Variants in PER3 observed in about 807,000 individuals in gnomAD.
PER3 encodes the protein period circadian regulator 3, also known as period circadian protein homolog 3.
In PER3, 107 loss-of-function variants were observed where a neutral mutation model predicts 127.2. That is an observed-to-expected ratio of 0.84 (90% confidence interval 0.72 to 0.99). The LOEUF (loss-of-function observed/expected upper bound fraction) is 0.99, where lower values mean the gene tolerates loss of function less well. Among genes scored for constraint, PER3 ranks in the 50% least tolerant of loss-of-function variants. The pLI is 0.00. For synonymous variants in PER3, 618 were observed against 585.8 expected, an observed-to-expected ratio of 1.05 and a Z score of -0.79; for missense variants, 1,560 against 1,525.8, an observed-to-expected ratio of 1.02 and a Z score of -0.37.
chr1:7,839,324 TAAA>T (rs2097373294), intron 21 of PER3, among the ~76,000 whole-genome samples: 1 of 152,208 alleles, frequency 6.6e-6, no homozygotes, highest in African/African-American at 2.4e-5. Context: ...ATTAATCTAT[TAAA>T]TAATATAGAA....
chr1:7,815,243 A>C (rs1425152112), intron 13 of PER3, among the ~76,000 whole-genome samples: 1 of 152,238 alleles, frequency 6.6e-6, no homozygotes, highest in Non-Finnish European at 1.5e-5. Flanking sequence ...CAATCCAGTT[A>C]TTCATATTCA....
chr1:7,796,516 T>C (rs1279035343), intron 6 of PER3, among the ~76,000 whole-genome samples: 2 of 152,056 alleles, frequency 1.3e-5, no homozygotes, highest in Non-Finnish European at 2.9e-5. Flanking sequence ...GGTTTCTCCA[T>C]GTTGGCCAGG....
chr1:7,786,013 T>A (rs917740487), intron 3 of PER3, among the ~76,000 whole-genome samples: 2 of 152,270 alleles, frequency 1.3e-5, no homozygotes, highest in African/African-American at 4.8e-5. Flanking sequence ...TCCCAGCACT[T>A]TGGGAGGCCG....
chr1:7,803,945 C>G (rs992983900), intron 10 of PER3, 97 bp downstream of exon 10: 1 of 953,180 alleles, frequency 1.0e-6, no homozygotes, highest in African/African-American at 1.6e-5. Context: ...GACACATAAA[C>G]TAAATAAAGC....
chr1:7,810,039 ACATTC>A lies in PER3; in HGVS notation c.1371+19_1371+23del. 6.2e-7 allele frequency: 1 copy of A among 1,605,568 alleles called. No homozygotes were observed. The highest frequency in any genetic ancestry group is 8.5e-7 in the Non-Finnish European group (1 of 1,174,432). Reference sequence around the variant, plus strand: ...CGGAGCAGGTGCATGGGCTTATGTCACATTCTTATACAGGCATCGTGTTTTCTGTA... The same window carrying A: ...CGGAGCAGGTGCATGGGCTTATGTCATTATACAGGCATCGTGTTTTCTGTA... On this transcript the variant is annotated intron_variant, in intron 12 of 21. Coordinates refer to ENST00000377532, the MANE Select transcript of PER3 (RefSeq NM_001377275.1).
intron 21 of PER3, among the ~76,000 whole-genome samples, chr1:7,838,715 A>T (rs189539689): frequency 6.6e-6 from 1 of 152,156 alleles, no homozygotes; most frequent in Non-Finnish European, 1.5e-5. Context: ...TGCACACCTC[A>T]TATGAGTGGA....
At chr1:7,818,857 T>TG (rs1444382453) in intron 13 of PER3, among the ~76,000 whole-genome samples, 1 of 152,262 alleles carries the variant, frequency 6.6e-6, no homozygotes, top group Non-Finnish European at 1.5e-5. Context: ...ACCTGGGAGA[T>TG]GCTGTGTACT....
chr1:7,802,256 A>G (rs1321747946), intron 8 of PER3, among the ~76,000 whole-genome samples: 5 of 149,868 alleles, frequency 3.3e-5, no homozygotes, highest in Non-Finnish European at 7.5e-5. Flanking sequence ...TTTGGGTGAC[A>G]TTGTGTTTTT....
At chr1:7,823,381 G>A (rs1024792853) in intron 16 of PER3, among the ~76,000 whole-genome samples, 15 of 152,118 alleles carry the variant, frequency 9.9e-5, no homozygotes, top group East Asian at 1.9e-4. Flanking sequence ...GGTGGTTCAC[G>A]CCTGTAATCC....
In PER3 at chr1:7,826,477, C is replaced by T; in HGVS notation, c.1958-3C>T. 6.4e-7 allele frequency: 1 copy of T among 1,560,180 alleles called. No individual in the cohort carries two copies. The highest frequency in any genetic ancestry group is 8.8e-7 in the Non-Finnish European group (1 of 1,131,140). On this transcript the variant is annotated splice_polypyrimidine_tract_variant and splice_region_variant and intron_variant, in intron 16 of 21. Coordinates refer to ENST00000377532, the MANE Select transcript of PER3 (RefSeq NM_001377275.1). The surrounding 1 kb of genome is among the most constrained non-coding windows in gnomAD (Gnocchi z 4.2). The stretch of plus-strand genomic sequence containing the variant: ...AAATTAAATATGTCTTCTTCCACCT[C>T]AGCCAGGGATGCTACCCTCTTCTGT...
chr1:7,822,213 T>G (rs1044161128), intron 16 of PER3, among the ~76,000 whole-genome samples: 21 of 152,024 alleles, frequency 1.4e-4, no homozygotes, highest in African/African-American at 5.1e-4. Context: ...TGAGACCAGC[T>G]TGGGCAACAT....
Position 7,786,735 on chromosome 1 carries a change from T to G in PER3, c.289T>G (p.Phe97Val), listed in dbSNP as rs143428088. 1.0e-4 allele frequency: 162 copies of G among 1,600,030 alleles called. No individual in the cohort carries two copies. In the African/African-American group the frequency reaches 2.0e-3, roughly 20 times the overall value. Reference sequence around the variant, plus strand: ...GTGTTTCTTAGCAAACAGTGAGTTTTTCCAGATTCTCAGTCAGAATGGAGC... The same window carrying G: ...GTGTTTCTTAGCAAACAGTGAGTTTGTCCAGATTCTCAGTCAGAATGGAGC... ...VHSVQANSEF[F>V]QILSQNGAPQ... is the part of the protein sequence containing the mutation. The change falls in exon 4 of 22, where the codon TTC becomes GTC. Residue 97 changes from phenylalanine (F) to valine (V), a missense_variant. By Grantham distance (50) the Phe-to-Val change is conservative. Around this residue, in one of 3 missense-constraint regions of PER3, gnomAD observed 1,332 missense variants for 1,223.6 expected, o/e 1.09. Coordinates refer to ENST00000377532, the MANE Select transcript of PER3 (RefSeq NM_001377275.1).
intron 9 of PER3, 41 bp downstream of exon 9, chr1:7,803,194 C>A: frequency 1.7e-6 from 2 of 1,185,620 alleles, no homozygotes; most frequent in Non-Finnish European, 2.5e-6. Context: ...ATTTTTCTCT[C>A]ATTGATTTGT....
chr1:7,788,227 GA>G lies in PER3; in HGVS notation c.575del (p.Asn192ThrfsTer16). ...CTGCCAGAGCTCAGCTTCCTTTCTGGAACAACTGGACCCAAAGAGGTAACAG... is the reference window on the plus strand; with the variant it reads ...CTGCCAGAGCTCAGCTTCCTTTCTGGACAACTGGACCCAAAGAGGTAACAG... ...HTARAQLPFW[N>X]NWTQRAAARY... is the part of the protein sequence containing the mutation. On this transcript the variant is annotated frameshift_variant, in exon 5 of 22. Coordinates refer to ENST00000377532, the MANE Select transcript of PER3 (RefSeq NM_001377275.1). LOFTEE classifies it high-confidence loss of function. 1 of 1,613,520 alleles carries G rather than the reference GA, an allele frequency of 6.2e-7. No homozygotes were observed. The highest frequency in any genetic ancestry group is 8.5e-7 in the Non-Finnish European group (1 of 1,179,472).
At chr1:7,818,904 C>T (rs954080811) in intron 13 of PER3, among the ~76,000 whole-genome samples, 1 of 152,254 alleles carries the variant, frequency 6.6e-6, no homozygotes, top group African/African-American at 2.4e-5. Flanking sequence ...GGTCTTCCCA[C>T]ATTCCACCCT....
intron 21 of PER3, among the ~76,000 whole-genome samples, chr1:7,837,824 A>G (rs552559436): frequency 1.4e-3 from 212 of 152,342 alleles, no homozygotes; most frequent in Non-Finnish European, 1.9e-3. Context: ...CTGTAATCCC[A>G]GCACTTTGGG....
intron 19 of PER3, among the ~76,000 whole-genome samples, chr1:7,831,187 A>G (rs1228629500): frequency 1.3e-5 from 2 of 152,182 alleles, no homozygotes; most frequent in Non-Finnish European, 1.5e-5. Flanking sequence ...ATTTTGCTAA[A>G]TTTATCTCTA....
At chr1:7,795,446 G>T (rs2097140996) in intron 6 of PER3, among the ~76,000 whole-genome samples, 1 of 152,206 alleles carries the variant, frequency 6.6e-6, no homozygotes, top group Admixed American at 6.5e-5. Context: ...TGTATTCAGG[G>T]TGATCCAGGA....
rs1488978156 is a variant in PER3, at chr1:7,842,936, T to G, written c.*181T>G. On this transcript the variant is annotated 3_prime_UTR_variant, in exon 22 of 22. Transcript: ENST00000377532. ...CATTGTATACAGAATCTTACTTCTC[T>G]TTGTTCCTGATATATTAAAATGGCC... The G allele has an allele frequency of 2.4e-6, 1 of 409,724 alleles. No individual in the cohort carries two copies. The highest frequency in any genetic ancestry group is 3.9e-5 in the Admixed American group (1 of 25,392). The allele number at this position is 409,724 out of a possible 1,614,324, so 25.4% of individuals were successfully genotyped here.
Sources: allele counts gnomAD v4.1 joint callset (sites outside exome capture counted in the v4.1 genomes callset), GRCh38; gene constraint gnomAD v4.1.1; regional missense constraint gnomAD v4.1.1; non-coding constraint Gnocchi (gnomAD v3.1); transcripts MANE v1.5; gene names NCBI Gene and HGNC (gene_info 2026-07-23, HGNC 2026-07-21).